Variants in PKHD1 observed in about 807,000 individuals in gnomAD.
PKHD1 encodes the protein fibrocystin.
Under a neutral mutation model 412.0 loss-of-function variants are expected in PKHD1, and 291 were observed. The observed-to-expected ratio is 0.71, with a 90% CI of 0.64 to 0.78. The LOEUF (loss-of-function observed/expected upper bound fraction) is 0.78, where lower values mean the gene tolerates loss of function less well. Ranked by LOEUF, PKHD1 falls within the 30% of genes least tolerant of loss-of-function variation. PKHD1 has a pLI of 0.00. For synonymous variants in PKHD1, 1,777 were observed against 1,821.5 expected (o/e 0.98, Z 0.62); for missense variants, 4,825 against 4,950.7 (o/e 0.97, Z 0.76).
At chr6:51,874,259 G>A (rs776832777) in intron 46 of PKHD1, among the ~76,000 whole-genome samples, 33 of 143,776 alleles carry the variant, frequency 2.3e-4, no homozygotes, top group East Asian at 4.7e-4. Flanking sequence ...TAGGGTGACC[G>A]TAATTTAAAT....
In PKHD1 at chr6:51,767,765, C is replaced by T. The variant is rs538798554; in HGVS notation, c.8642+4937G>A. Among the ~76,000 whole-genome samples, 105 of 152,206 alleles carry T rather than the reference C, an allele frequency of 6.9e-4. No homozygotes were observed. The Middle Eastern group carries it at 0.014, about 20-fold the overall frequency. On this transcript the variant is annotated intron_variant, in intron 55 of 66. Transcript: ENST00000371117. ...AAGTCTTTGCTATTGTGAATAGTGC[C>T]GCAATTAACATATGTGTGCATGTGT... is the stretch of plus-strand genomic sequence containing the variant.
intron 53 of PKHD1, among the ~76,000 whole-genome samples, chr6:51,787,223 G>A (rs1793020800): frequency 6.6e-6 from 1 of 152,128 alleles, no homozygotes. Context: ...GCCAGGCATG[G>A]TGGCGAGCAG....
chr6:52,082,795 T>G (rs1812230363), intron 3 of PKHD1, among the ~76,000 whole-genome samples: 1 of 152,210 alleles, frequency 6.6e-6, no homozygotes, highest in African/African-American at 2.4e-5. Flanking sequence ...CTCTTTACTC[T>G]GCTGGGGATG....
At chr6:51,948,654 C>T (rs2127855668) in intron 36 of PKHD1, among the ~76,000 whole-genome samples, 1 of 152,294 alleles carries the variant, frequency 6.6e-6, no homozygotes, top group East Asian at 1.9e-4. Context: ...TCACTCAATA[C>T]TTGTTGAATA....
In PKHD1 at chr6:51,952,538, T is replaced by C. The variant is rs547010018; in HGVS notation, c.5908+7332A>G. The stretch of plus-strand genomic sequence containing the variant: ...CCTAGACCTTTATAAGCCTCCAAAA[T>C]GGTAGAGGGAAGAAAAAATACACCT... On this transcript the variant is annotated intron_variant, in intron 36 of 66. Transcript: ENST00000371117. 4.1e-4 allele frequency among the ~76,000 whole-genome samples: 62 copies of C among 152,230 alleles called. 1 individual carries two copies. The highest frequency in any genetic ancestry group is 1.4e-3 in the African/African-American group (60 of 41,558).
chr6:51,894,322 C>CA (rs1457984360), intron 43 of PKHD1, among the ~76,000 whole-genome samples: 4 of 152,206 alleles, frequency 2.6e-5, no homozygotes, highest in African/African-American at 9.7e-5. Context: ...AAGCACTTAT[C>CA]ACCCATGGGT....
At chr6:51,727,988 A>C (rs755607662) in intron 60 of PKHD1, among the ~76,000 whole-genome samples, 1 of 152,218 alleles carries the variant, frequency 6.6e-6, no homozygotes, top group Non-Finnish European at 1.5e-5. Flanking sequence ...ATTAAAATAC[A>C]GCCTCAGTAT....
chr6:51,974,752 A>T (rs2499472), intron 35 of PKHD1, among the ~76,000 whole-genome samples: 2 of 151,964 alleles, frequency 1.3e-5, no homozygotes, highest in Non-Finnish European at 2.9e-5. Flanking sequence ...CATTGGGTAC[A>T]GTGCACACTG....
At position 51,887,146 on chromosome 6, in the gene PKHD1, G is replaced by A. The variant is rs1778338670; in HGVS notation, c.7096C>T (p.His2366Tyr). 2 of 1,605,012 alleles carry A rather than the reference G, an allele frequency of 1.2e-6. No individual in the cohort carries two copies. Among genetic ancestry groups the A allele is most frequent in the Admixed American group, 1.7e-5 (1 of 59,978 alleles). The change falls in exon 44 of 67, where the codon CAT (histidine) becomes TAT (tyrosine). Residue 2366 changes from histidine (H) to tyrosine (Y), a missense_variant. Coordinates refer to ENST00000371117, the MANE Select transcript of PKHD1 (RefSeq NM_138694.4). ...PLLSFTQNIA[H>Y]SCTRYGLFVY... is the part of the protein sequence containing the mutation. ...CCCCAAAGTTACCTGGTACAAGAATGTGCAATGTTCTGAGTGAAGGAAAGA... is the reference window on the plus strand; with the variant it reads ...CCCCAAAGTTACCTGGTACAAGAATATGCAATGTTCTGAGTGAAGGAAAGA...
chr6:52,064,974 C>A lies in PKHD1; in HGVS notation c.957G>T (p.Arg319Ser), dbSNP rs376878655. 6.2e-7 allele frequency: 1 copy of A among 1,601,086 alleles called. No individual in the cohort carries two copies. The highest frequency in any genetic ancestry group is 8.5e-7 in the Non-Finnish European group (1 of 1,173,750). The part of the protein sequence containing the change: ...CTTRAPGKDV[R>S]LTTPQPGNRG... ...CCTTACCTGGCTGAGGGGTGGTGAG[C>A]CTCACATCTTTTCCTGGAGCCCGAG... The change falls in exon 13 of 67, where the codon AGG becomes AGT. Residue 319 changes from arginine to serine, a missense_variant. Coordinates refer to ENST00000371117, the MANE Select transcript of PKHD1 (RefSeq NM_138694.4).
At chr6:51,926,217 C>T (rs1339842348) in intron 37 of PKHD1, among the ~76,000 whole-genome samples, 1 of 152,120 alleles carries the variant, frequency 6.6e-6, no homozygotes, top group Admixed American at 6.5e-5. Context: ...AGTCACAGGA[C>T]TGCCATTTCT....
intron 60 of PKHD1, among the ~76,000 whole-genome samples, chr6:51,691,257 A>G (rs574020315): frequency 6.6e-6 from 1 of 152,296 alleles, no homozygotes; most frequent in Admixed American, 6.5e-5. Flanking sequence ...GTATTCCTCA[A>G]AGACCTAAAG....
At chr6:51,702,218 A>G (rs1779527880) in intron 60 of PKHD1, among the ~76,000 whole-genome samples, 1 of 147,370 alleles carries the variant, frequency 6.8e-6, no homozygotes, top group African/African-American at 2.5e-5. Flanking sequence ...TATATAATAT[A>G]TTATATATAT....
chr6:51,938,557 A>G lies in PKHD1; in HGVS notation c.5909-4235T>C, dbSNP rs554317205. 1.2e-3 allele frequency among the ~76,000 whole-genome samples: 163 copies of G among 140,176 alleles called. 5 individuals are homozygous for G. Among genetic ancestry groups the G allele is most frequent in the Admixed American group, 2.5e-3 (32 of 12,944 alleles). The allele number at this position is 140,176 out of a possible 152,430, so 92.0% of individuals were successfully genotyped here. On this transcript the variant is annotated intron_variant, in intron 36 of 66. Coordinates refer to ENST00000371117, the MANE Select transcript of PKHD1 (RefSeq NM_138694.4). The stretch of plus-strand genomic sequence containing the variant: ...TTCCTTTACCTCCCCAAATCTTATA[A>G]GATGGCCCCACTACTATCTCCCTTC...
chr6:51,872,244 C>A (rs1776088109), intron 46 of PKHD1, among the ~76,000 whole-genome samples: 1 of 152,072 alleles, frequency 6.6e-6, no homozygotes, highest in African/African-American at 2.4e-5. Flanking sequence ...ATTTTCCAGA[C>A]TGAAAAGTCC....
chr6:51,940,253 C>T (rs1270859734), intron 36 of PKHD1, among the ~76,000 whole-genome samples: 1 of 151,704 alleles, frequency 6.6e-6, no homozygotes, highest in African/African-American at 2.4e-5. Flanking sequence ...TCAAACCCCA[C>T]AACAGGACTT....
In PKHD1 at chr6:51,764,362, A is replaced by C. The variant is rs956741825; in HGVS notation, c.8642+8340T>G. Among the ~76,000 whole-genome samples the C allele has an allele frequency of 1.3e-4, 19 of 149,494 alleles. No homozygotes were observed. In the Admixed American group the frequency reaches 1.3e-3, roughly 10 times the overall value. On this transcript the variant is annotated intron_variant, in intron 55 of 66. Transcript: ENST00000371117. Reference sequence around the variant, plus strand: ...AGAAATGCAAATCAAAACCACTATGAGATACCATCTCACACCAGTTAGAAT... The same window carrying C: ...AGAAATGCAAATCAAAACCACTATGCGATACCATCTCACACCAGTTAGAAT...
intron 35 of PKHD1, among the ~76,000 whole-genome samples, chr6:51,978,713 A>G (rs1037881232): frequency 4.6e-5 from 7 of 152,194 alleles, no homozygotes; most frequent in Non-Finnish European, 7.3e-5. Context: ...TTCTCTGCTC[A>G]TCTCACAAAC....
chr6:51,973,428 C>T (rs1025521097), intron 35 of PKHD1, among the ~76,000 whole-genome samples: 3 of 152,210 alleles, frequency 2.0e-5, no homozygotes, highest in African/African-American at 7.2e-5. Context: ...AACATATACA[C>T]ATACGTTTAT....
Sources: gnomAD v4.1 joint callset for allele counts (sites outside exome capture counted in the v4.1 genomes callset) on GRCh38, gnomAD v4.1.1 for gene constraint, MANE v1.5 for transcripts, NCBI Gene and HGNC (gene_info 2026-07-23, HGNC 2026-07-21) for gene names.